The following ZNF385D variants were observed in gnomAD, a reference collection of about 807,000 sequenced individuals.
The protein encoded by ZNF385D is zinc finger protein 659.
In ZNF385D, 15 loss-of-function variants were observed where a neutral mutation model predicts 35.8. The ratio of observed to expected loss-of-function variants is 0.42; its 90% CI spans 0.28 to 0.64. The LOEUF (loss-of-function observed/expected upper bound fraction) is 0.64. Ranked by LOEUF, ZNF385D falls within the 30% of genes least tolerant of loss-of-function variation. The pLI is 0.23. For missense variants in ZNF385D, 474 were observed against 494.6 expected (o/e 0.96, Z 0.39); for synonymous variants, 212 against 186.8 (o/e 1.13, Z -1.10).
chr3:22,106,431 C>A (rs1433437792), intron 3 of ZNF385D, among the ~76,000 whole-genome samples: 2 of 152,158 alleles, frequency 1.3e-5, no homozygotes, highest in African/African-American at 4.8e-5. Flanking sequence ...CAATCTCTGT[C>A]TCATACAATA....
chr3:21,603,128 T>C (rs548555313), intron 2 of ZNF385D, among the ~76,000 whole-genome samples: 1 of 152,318 alleles, frequency 6.6e-6, no homozygotes, highest in East Asian at 1.9e-4. Flanking sequence ...TAATGAACAC[T>C]GTATATGTAC....
chr3:22,340,164 G>A (rs1695359500), intron 2 of ZNF385D, among the ~76,000 whole-genome samples: 1 of 152,120 alleles, frequency 6.6e-6, no homozygotes, highest in African/African-American at 2.4e-5. Context: ...TTATCTCAAG[G>A]TTATTGCTAA....
chr3:21,711,038 A>AATTTTTTT (rs562190313), intron 1 of ZNF385D, among the ~76,000 whole-genome samples: 1 of 55,824 alleles, frequency 1.8e-5, no homozygotes, highest in African/African-American at 7.3e-5. Flanking sequence ...TCCCTCTAAA[A>AATTTTTTT]GTTTTTTTTT....
chr3:21,885,620 T>A (rs1559722683), intron 3 of ZNF385D, among the ~76,000 whole-genome samples: 1 of 151,938 alleles, frequency 6.6e-6, no homozygotes, highest in Non-Finnish European at 1.5e-5. Context: ...TGAAAAGTTT[T>A]ATATATTTTA....
intron 3 of ZNF385D, among the ~76,000 whole-genome samples, chr3:22,050,359 C>CA (rs967275934): frequency 5.3e-5 from 8 of 151,352 alleles, no homozygotes; most frequent in Non-Finnish European, 7.4e-5. Context: ...AAGACTCTGT[C>CA]AAAAAAACAA....
intron 3 of ZNF385D, among the ~76,000 whole-genome samples, chr3:22,019,238 C>A (rs79007053): frequency 6.6e-6 from 1 of 151,414 alleles, no homozygotes; most frequent in Admixed American, 6.6e-5. Flanking sequence ...AAGGCATTCT[C>A]ACCTTATTTC....
At chr3:22,113,613 A>T (rs62246428) in intron 3 of ZNF385D, among the ~76,000 whole-genome samples, 1 of 152,010 alleles carries the variant, frequency 6.6e-6, no homozygotes, top group South Asian at 2.1e-4. Context: ...GACAATGAGC[A>T]GCACAGCAAC....
At chr3:22,075,491 C>A (rs1262012319) in intron 3 of ZNF385D, among the ~76,000 whole-genome samples, 1 of 151,844 alleles carries the variant, frequency 6.6e-6, no homozygotes, top group Non-Finnish European at 1.5e-5. Context: ...TCCCTCTTCA[C>A]TTTCCCACTC....
chr3:21,827,405 C>T (rs1694709573), intron 3 of ZNF385D, among the ~76,000 whole-genome samples: 3 of 152,116 alleles, frequency 2.0e-5, no homozygotes, highest in Admixed American at 1.3e-4. Context: ...AAGCCTTTTA[C>T]ATGTTTCTTA....
At chr3:22,101,938 T>C (rs1238513333) in intron 3 of ZNF385D, among the ~76,000 whole-genome samples, 6 of 151,392 alleles carry the variant, frequency 4.0e-5, no homozygotes, top group African/African-American at 9.7e-5. Flanking sequence ...AGTGGACAAA[T>C]TGGGCTTCTA....
intron 3 of ZNF385D, among the ~76,000 whole-genome samples, chr3:22,140,882 A>G (rs1334528298): frequency 1.3e-5 from 2 of 152,222 alleles, no homozygotes; most frequent in Admixed American, 1.3e-4. Flanking sequence ...AAGACAAATG[A>G]GACAATACAA....
At chr3:22,228,001 G>A (rs1017299282) in intron 2 of ZNF385D, among the ~76,000 whole-genome samples, 4 of 152,150 alleles carry the variant, frequency 2.6e-5, no homozygotes, top group East Asian at 3.9e-4. Flanking sequence ...CCAAGAACCC[G>A]CCTAAACTAA....
chr3:22,303,136 AATG>A (rs1379077335), intron 2 of ZNF385D, among the ~76,000 whole-genome samples: 1 of 152,180 alleles, frequency 6.6e-6, no homozygotes, highest in Non-Finnish European at 1.5e-5. Context: ...TCCATTGTTC[AATG>A]ATAATAATAT....
At chr3:21,428,933 C>CTTTTTTTTTTTTTTTTTTTTT (rs56827844) in intron 5 of ZNF385D, among the ~76,000 whole-genome samples, 30 of 111,994 alleles carry the variant, frequency 2.7e-4, no homozygotes, top group African/African-American at 6.4e-4. Context: ...CCAAGAAATC[C>CTTTTTTTTTTTTTTTTTTTTT]TTTTTTTTTT....
chr3:21,853,668 C>G (rs1696533720), intron 3 of ZNF385D, among the ~76,000 whole-genome samples: 1 of 151,572 alleles, frequency 6.6e-6, no homozygotes. Flanking sequence ...GAATTTTGAG[C>G]CTCGATTTTA....
intron 3 of ZNF385D, among the ~76,000 whole-genome samples, chr3:22,086,584 T>C (rs886334555): frequency 1.3e-5 from 2 of 152,144 alleles, no homozygotes; most frequent in Non-Finnish European, 2.9e-5. Flanking sequence ...TCCATGCTCA[T>C]AGATAGGAAG....
chr3:22,336,003 C>T (rs1415885118), intron 2 of ZNF385D, among the ~76,000 whole-genome samples: 1 of 151,840 alleles, frequency 6.6e-6, no homozygotes, highest in Non-Finnish European at 1.5e-5. Context: ...ATTCAGAGTC[C>T]ACTAAAACAA....
chr3:21,835,009 A>G (rs760495859), intron 3 of ZNF385D, among the ~76,000 whole-genome samples: 2 of 152,138 alleles, frequency 1.3e-5, no homozygotes, highest in Admixed American at 6.6e-5. Flanking sequence ...CAGTGTGGAA[A>G]TTGACTAATA....
intron 3 of ZNF385D, among the ~76,000 whole-genome samples, chr3:21,917,399 T>G (rs987680966): frequency 6.6e-6 from 1 of 151,712 alleles, no homozygotes; most frequent in African/African-American, 2.4e-5. Context: ...GCCATTGCAC[T>G]CCAGCCTGGG....
Sources: allele counts gnomAD v4.1 joint callset (sites outside exome capture counted in the v4.1 genomes callset), GRCh38; gene constraint gnomAD v4.1.1; transcripts MANE v1.5; gene names NCBI Gene and HGNC (gene_info 2026-07-23, HGNC 2026-07-21).